The following NOTCH3 variants were observed in gnomAD, a reference collection of about 807,000 sequenced individuals.
NOTCH3 encodes notch receptor 3, also known as neurogenic locus notch homolog protein 3.
A neutral mutation model predicts 213.3 loss-of-function variants in NOTCH3; 86 were observed. The observed-to-expected ratio is 0.40, with a 90% CI of 0.34 to 0.48. NOTCH3 has a LOEUF of 0.48. Among genes scored for constraint, NOTCH3 ranks in the 20% least tolerant of loss-of-function variants. The pLI is 0.57. For synonymous variants in NOTCH3, 1,354 were observed against 1,355.9 expected (o/e 1.00, Z 0.03); for missense variants, 2,783 against 3,272.6 (o/e 0.85, Z 3.65).
In NOTCH3 at chr19:15,196,143, A is replaced by C. The variant is rs1264286123; in HGVS notation, c.197+1357T>G. Reference sequence around the variant, plus strand: ...GAGTGGTTCCCACAGCCCAACTCGGAGGACTGAGCCCGCTCCACTCCGGGC... The same window carrying C: ...GAGTGGTTCCCACAGCCCAACTCGGCGGACTGAGCCCGCTCCACTCCGGGC... On this transcript the variant is annotated intron_variant, in intron 2 of 32. Coordinates refer to ENST00000263388, the MANE Select transcript of NOTCH3 (RefSeq NM_000435.3). Among the ~76,000 whole-genome samples the C allele has an allele frequency of 2.0e-5, 3 of 151,102 alleles. No homozygotes were observed. In the East Asian group the frequency reaches 5.9e-4, roughly 30 times the overall value.
At chr19:15,184,812 G>C in intron 15 of NOTCH3, 94 bp downstream of exon 15, 1 of 755,254 alleles carries the variant, frequency 1.3e-6, no homozygotes, top group Non-Finnish European at 2.3e-6. Context: ...GCAGGGCTGG[G>C]GATGGGTCCC....
Position 15,159,488 on chromosome 19 carries a change from T to C in NOTCH3, c.*1174A>G, listed in dbSNP as rs1055688670. 1 of 194,202 alleles carries C rather than the reference T, an allele frequency of 5.1e-6. No individual in the cohort carries two copies. Among genetic ancestry groups the C allele is most frequent in the African/African-American group, 2.3e-5 (1 of 43,104 alleles). The allele number at this position is 194,202 out of a possible 1,614,324, so 12.0% of individuals were successfully genotyped here. A position where few individuals can be genotyped will look rare whatever the true frequency, so the allele number is the denominator to read the frequency against. On this transcript the variant is annotated 3_prime_UTR_variant, in exon 33 of 33. Coordinates refer to ENST00000263388, the MANE Select transcript of NOTCH3 (RefSeq NM_000435.3). Reference sequence around the variant, plus strand: ...TGACAACCACTAATCCAATCGGTAGTCATCTGCCAAAAGAGGAAGCATAAG... The same window carrying C: ...TGACAACCACTAATCCAATCGGTAGCCATCTGCCAAAAGAGGAAGCATAAG...
intron 12 of NOTCH3, among the ~76,000 whole-genome samples, chr19:15,186,375 TTGTATGTGTGTG>T (rs146308426): frequency 7.0e-4 from 86 of 123,282 alleles, no homozygotes; most frequent in East Asian, 4.6e-3. Flanking sequence ...TTGTTTGTTT[TTGTATGTGTGTG>T]TGTGTGTGTG....
chr19:15,163,294 G>A (rs2046660648), intron 31 of NOTCH3, among the ~76,000 whole-genome samples: 1 of 152,148 alleles, frequency 6.6e-6, no homozygotes. Flanking sequence ...AATGGTGCTG[G>A]AACAACTGAA....
intron 32 of NOTCH3, 126 bp downstream of exon 32, chr19:15,162,339 T>G: frequency 1.3e-6 from 1 of 799,272 alleles, no homozygotes; most frequent in Non-Finnish European, 2.1e-6. Context: ...TAAATTATAT[T>G]TTAATCCAAT....
rs558392935 is a variant in NOTCH3, at chr19:15,184,324, C to T, written c.2537G>A (p.Cys846Tyr). 1.2e-6 allele frequency: 2 copies of T among 1,614,030 alleles called. No homozygotes were observed. The highest frequency in any genetic ancestry group is 2.2e-5 in the East Asian group (1 of 44,880). ...TCHGGYTGPS[C>Y]DQDINDCDPN... is the part of the protein sequence containing the mutation. ...GTCACAGTCATTGATGTCCTGATCG[C>T]AGGAAGGGCCAGTGTACCCTCCATG... Residue 846 changes from cysteine (C) to tyrosine (Y), a missense_variant, in exon 16 of 33, where the codon TGC (cysteine) becomes TAC (tyrosine). This residue lies in a region of NOTCH3 where 861 missense variants were observed against 909.1 expected (regional missense o/e 0.95). Coordinates refer to ENST00000263388, the MANE Select transcript of NOTCH3 (RefSeq NM_000435.3).
intron 29 of NOTCH3, 64 bp downstream of exon 29, chr19:15,167,185 G>C: frequency 6.4e-7 from 1 of 1,558,984 alleles, no homozygotes; most frequent in East Asian, 2.3e-5. Context: ...CACAGAGTCA[G>C]AAATAACCTC....
chr19:15,200,051 G>C (rs941506166), intron 1 of NOTCH3, among the ~76,000 whole-genome samples: 5 of 4,938 alleles, frequency 1.0e-3, no homozygotes, highest in Non-Finnish European at 2.0e-3. Flanking sequence ...GAGAGGAGGA[G>C]GGGCGGGGGC....
At position 15,170,192 on chromosome 19, in the gene NOTCH3, G is replaced by A; in HGVS notation, c.5115-22C>T. ...GTTCCTGGCGGACAATGGGAAGAGG[G>A]GATGTGAGGGGGACACTAGAGGTGT... On this transcript the variant is annotated intron_variant, in intron 27 of 32. Transcript: ENST00000263388. 3 of 1,565,094 alleles carry A rather than the reference G, an allele frequency of 1.9e-6. No individual in the cohort carries two copies. In the African/African-American group the frequency reaches 4.0e-5, roughly 21 times the overall value.
At position 15,187,192 on chromosome 19, in the gene NOTCH3, C is replaced by G; in HGVS notation, c.1753G>C (p.Glu585Gln). 6.2e-7 allele frequency: 1 copy of G among 1,614,082 alleles called. No individual in the cohort carries two copies. The highest frequency in any genetic ancestry group is 8.5e-7 in the Non-Finnish European group (1 of 1,180,022). ...TGGCGGCAGGGCTGGCTGCGGCATT[C>G]GTCCACCTGGCTCTCGCAGCGTGTG... ...TGTRCESQVD[E>Q]CRSQPCRHGG... The change falls in exon 11 of 33, where the codon GAA becomes CAA. Residue 585 changes from glutamate (E) to glutamine (Q), a missense_variant. Glu to Gln is a conservative substitution (Grantham distance 29, BLOSUM62 2). Transcript: ENST00000263388.
chr19:15,160,828 G>A lies in NOTCH3; in HGVS notation c.6800C>T (p.Ser2267Phe). ...AGTGGCTGGGCTAGGCGTGGATTCG[G>A]ACCAGTCTGAGAGGGAGGGAGGTGA... ...SPSPPSLSDW[S>F]ESTPSPATAT... Residue 2267 changes from serine to phenylalanine, a missense_variant, in exon 33 of 33, where the codon TCC becomes TTC. Ser to Phe is a radical substitution (Grantham distance 155). Around this residue, in one of 6 missense-constraint regions of NOTCH3, gnomAD observed 441 missense variants for 432.1 expected, o/e 1.02. Coordinates refer to ENST00000263388, the MANE Select transcript of NOTCH3 (RefSeq NM_000435.3). The A allele has an allele frequency of 6.2e-7, 1 of 1,614,042 alleles. No individual in the cohort carries two copies. The highest frequency in any genetic ancestry group is 8.5e-7 in the Non-Finnish European group (1 of 1,179,950).
intron 23 of NOTCH3, chr19:15,178,579 T>G (rs2046811741): frequency 3.5e-6 from 2 of 569,572 alleles, no homozygotes; most frequent in Non-Finnish European, 3.2e-6. Context: ...GAGACGGGGT[T>G]TCACCATGTT....
At position 15,193,954 on chromosome 19, in the gene NOTCH3, C is replaced by T. The variant is rs551788980; in HGVS notation, c.198-1435G>A. Among the ~76,000 whole-genome samples the T allele has an allele frequency of 4.1e-5, 6 of 147,806 alleles. No individual in the cohort carries two copies. The East Asian group carries it at 1.0e-3, about 25-fold the overall frequency. ...AAAATTAGCTGGGCGTGGTGGTGCACTCGTGTAGTCCCCGCTACTCAGGAG... is the reference window on the plus strand; with the variant it reads ...AAAATTAGCTGGGCGTGGTGGTGCATTCGTGTAGTCCCCGCTACTCAGGAG... On this transcript the variant is annotated intron_variant, in intron 2 of 32. Coordinates refer to ENST00000263388, the MANE Select transcript of NOTCH3 (RefSeq NM_000435.3).
At position 15,178,066 on chromosome 19, in the gene NOTCH3, G is replaced by C; in HGVS notation, c.3862C>G (p.Arg1288Gly). The C allele has an allele frequency of 3.3e-6, 5 of 1,519,142 alleles. No individual in the cohort carries two copies. The highest frequency in any genetic ancestry group is 2.6e-6 in the Non-Finnish European group (3 of 1,139,132). 94.1% of individuals were successfully genotyped at this position (1,519,142 alleles called of 1,614,324 possible). ...AQPFWGPRCERVARSCRELQC... is the reference protein window; with the variant it reads ...AQPFWGPRCEGVARSCRELQC... ...AGCTCCCGGCAGGAGCGCGCCACCC[G>C]CTCGCAACGCGGACCCCAGAACGGC... The change falls in exon 24 of 33, where the codon CGG becomes GGG. Residue 1288 changes from arginine (R) to glycine (G), a missense_variant. By Grantham distance (125) the Arg-to-Gly change is moderately radical. Coordinates refer to ENST00000263388, the MANE Select transcript of NOTCH3 (RefSeq NM_000435.3).
At chr19:15,167,702 T>C (rs2046697721) in intron 28 of NOTCH3, among the ~76,000 whole-genome samples, 1 of 152,012 alleles carries the variant, frequency 6.6e-6, no homozygotes, top group South Asian at 2.1e-4. Flanking sequence ...TACAGGCACA[T>C]GCCACGGTGT....
rs2046624605 is a variant in NOTCH3, at chr19:15,159,811, C to G, written c.*851G>C. Reference sequence around the variant, plus strand: ...GGATTACCAGGAAGAGAAAGTACCACTCAGGCAGCTCCTCTTCTTGTAGTC... The same window carrying G: ...GGATTACCAGGAAGAGAAAGTACCAGTCAGGCAGCTCCTCTTCTTGTAGTC... On this transcript the variant is annotated 3_prime_UTR_variant, in exon 33 of 33. Transcript: ENST00000263388. The G allele has an allele frequency of 4.3e-6, 1 of 233,620 alleles. No homozygotes were observed. The highest frequency in any genetic ancestry group is 6.0e-5 in the East Asian group (1 of 16,580). 14.5% of individuals were successfully genotyped at this position (233,620 alleles called of 1,614,324 possible). A position where few individuals can be genotyped will look rare whatever the true frequency, so the allele number is the denominator to read the frequency against.
chr19:15,164,566 A>T, intron 31 of NOTCH3, among the ~76,000 whole-genome samples: 1 of 150,526 alleles, frequency 6.6e-6, no homozygotes, highest in Non-Finnish European at 1.5e-5. Context: ...AAAAAAGGGC[A>T]ACATAAGGAG....
intron 2 of NOTCH3, among the ~76,000 whole-genome samples, chr19:15,192,723 T>C (rs2046940103): frequency 6.6e-6 from 1 of 152,178 alleles, no homozygotes; most frequent in Admixed American, 6.5e-5. Context: ...AAGACCAGCC[T>C]AGCCAACATG....
intron 10 of NOTCH3, among the ~76,000 whole-genome samples, 160 bp downstream of exon 10, chr19:15,187,720 AT>A (rs2046895031): frequency 1.3e-5 from 2 of 151,646 alleles, no homozygotes; most frequent in Non-Finnish European, 2.9e-5. Flanking sequence ...ACGTAGCCTT[AT>A]GTCAGTCTAT....
Sources: allele counts gnomAD v4.1 joint callset (sites outside exome capture counted in the v4.1 genomes callset), GRCh38; gene constraint gnomAD v4.1.1; regional missense constraint gnomAD v4.1.1; transcripts MANE v1.5; gene names NCBI Gene and HGNC (gene_info 2026-07-23, HGNC 2026-07-21).